Variants in COA7 observed in about 807,000 individuals in gnomAD.
COA7 encodes the protein cytochrome c oxidase assembly factor 7, also known as Sel1 repeat containing 1.
Under a neutral mutation model 21.0 loss-of-function variants are expected in COA7, and 12 were observed. The observed-to-expected ratio is 0.57, with a 90% CI of 0.37 to 0.92. The LOEUF (loss-of-function observed/expected upper bound fraction) is 0.92, where lower values mean the gene tolerates loss of function less well. Ranked by LOEUF, COA7 falls within the 40% of genes least tolerant of loss-of-function variation. The probability of loss-of-function intolerance (pLI) is 0.01; values close to 1 mark genes in which losing one functional copy is unlikely to be tolerated. For synonymous variants in COA7, 95 were observed against 107.4 expected, an observed-to-expected ratio of 0.88 and a Z score of 0.72; for missense variants, 240 against 286.1, an observed-to-expected ratio of 0.84 and a Z score of 1.16.
Position 52,698,317 on chromosome 1 carries a change from T to A in COA7, c.10A>T (p.Met4Leu), listed in dbSNP as rs371629063. ...TGCTCCTCATCCTGGAAGTCCACCATGCCGGCCATGGTTCGCGCCGGCCCA... is the reference window on the plus strand; with the variant it reads ...TGCTCCTCATCCTGGAAGTCCACCAAGCCGGCCATGGTTCGCGCCGGCCCA... The part of the protein sequence containing the change: MAG[M>L]VDFQDEEQVK... The change falls in exon 1 of 3, where the codon ATG becomes TTG. Residue 4 changes from methionine to leucine, a missense_variant. Met to Leu is a conservative substitution (Grantham distance 15). Transcript: ENST00000371538. 1 of 1,610,832 alleles carries A rather than the reference T, an allele frequency of 6.2e-7. No individual in the cohort carries two copies. The highest frequency in any genetic ancestry group is 8.5e-7 in the Non-Finnish European group (1 of 1,179,448).
At chr1:52,690,747 C>T (rs1030890583) in intron 2 of COA7, among the ~76,000 whole-genome samples, 2 of 151,910 alleles carry the variant, frequency 1.3e-5, no homozygotes, top group Non-Finnish European at 2.9e-5. Flanking sequence ...GAAGCAATCT[C>T]GGCTCACTGC....
At chr1:52,688,756 A>G (rs1216183985) in intron 2 of COA7, among the ~76,000 whole-genome samples, 1 of 152,186 alleles carries the variant, frequency 6.6e-6, no homozygotes, top group African/African-American at 2.4e-5. Context: ...CAGACCTCCT[A>G]GCTTTCTCAG....
chr1:52,690,408 G>A (rs1047891715), intron 2 of COA7, among the ~76,000 whole-genome samples: 1 of 151,484 alleles, frequency 6.6e-6, no homozygotes, highest in Admixed American at 6.6e-5. Context: ...CAGATTAAAT[G>A]CTGGCTGGTT....
rs1290063028 is a variant in COA7 at position 52,685,745 on chromosome 1, T to C, written c.*1975A>G. Reference sequence around the variant, plus strand: ...CACACCCAGATAATTTTTGTATTTTTAGTAGATACGAGGTTTCACTATGTT... The same window carrying C: ...CACACCCAGATAATTTTTGTATTTTCAGTAGATACGAGGTTTCACTATGTT... On this transcript the variant is annotated 3_prime_UTR_variant, in exon 3 of 3. Transcript: ENST00000371538. 6.6e-6 allele frequency: 1 copy of C among 152,206 alleles called. No homozygotes were observed. The highest frequency in any genetic ancestry group is 1.9e-4 in the East Asian group (1 of 5,196). 9.4% of individuals were successfully genotyped at this position (152,206 alleles called of 1,614,324 possible). A position where few individuals can be genotyped will look rare whatever the true frequency, so the allele number is the denominator to read the frequency against.
At chr1:52,688,206 C>T in intron 2 of COA7, 38 bp from the exon 3 acceptor site, 1 of 1,550,118 alleles carries the variant, frequency 6.5e-7, no homozygotes, top group Non-Finnish European at 8.7e-7. Flanking sequence ...AAACCCAAGC[C>T]AGGGCACAAC....
rs930222365 is a variant in COA7 at position 52,687,068 on chromosome 1, C to A, written c.*652G>T. The A allele has an allele frequency of 1.3e-5, 2 of 152,448 alleles. No individual in the cohort carries two copies. The highest frequency in any genetic ancestry group is 4.1e-4 in the South Asian group (2 of 4,838). 9.4% of individuals were successfully genotyped at this position (152,448 alleles called of 1,614,324 possible). On this transcript the variant is annotated 3_prime_UTR_variant, in exon 3 of 3. Coordinates refer to ENST00000371538, the MANE Select transcript of COA7 (RefSeq NM_023077.3). ...CTGATGTTTCATCTTCTTCAGCAAC[C>A]CTGAAGCATAACAGCCTTTAAGCTG...
chr1:52,692,737 C>T lies in COA7; in HGVS notation c.237G>A (p.Val79=), dbSNP rs771860425. Residue 79 remains valine, a synonymous_variant, in exon 2 of 3, where the codon GTG becomes GTA. Transcript: ENST00000371538. ...DSCYKLGAYY[V]TGKGGLTQDL... ...GCAGGCCCTCCTTACCTTTTCCAGT[C>T]ACATAGTAGGCCCCCAGTTTGTAGC... 2.5e-6 allele frequency: 4 copies of T among 1,614,168 alleles called. No homozygotes were observed. In the Admixed American group the frequency reaches 6.7e-5, roughly 27 times the overall value.
rs993323774 is a variant in COA7, at chr1:52,687,718, C to T, written c.*2G>A. 6.2e-7 allele frequency: 1 copy of T among 1,612,492 alleles called. No individual in the cohort carries two copies. Among genetic ancestry groups the T allele is most frequent in the Admixed American group, 1.7e-5 (1 of 59,946 alleles). ...GTTGCCTGGGAGGGAGGGTGGACCA[C>T]ATTACCCAAATGTTAAGGGTTGGAC... On this transcript the variant is annotated 3_prime_UTR_variant, in exon 3 of 3. Transcript: ENST00000371538.
intron 2 of COA7, 113 bp from the exon 3 acceptor site, chr1:52,688,281 T>A: frequency 1.2e-6 from 1 of 831,284 alleles, no homozygotes; most frequent in South Asian, 1.8e-5. Context: ...TCTTGCTTTG[T>A]TAACCAGGCT....
chr1:52,698,210 G>C lies in COA7; in HGVS notation c.106+11C>G. 5 of 1,597,778 alleles carry C rather than the reference G, an allele frequency of 3.1e-6. No individual in the cohort carries two copies. The highest frequency in any genetic ancestry group is 4.3e-6 in the Non-Finnish European group (5 of 1,168,390). On this transcript the variant is annotated intron_variant, in intron 1 of 2. Transcript: ENST00000371538. ...CCCGACGCGTCGCCGGGCTGCGCTG[G>C]AGCCGCTCACCGTCCGGGTCCTTCT...
At position 52,687,537 on chromosome 1, in the gene COA7, G is replaced by A. The variant is rs1644014326; in HGVS notation, c.*183C>T. 1 of 618,446 alleles carries A rather than the reference G, an allele frequency of 1.6e-6. No individual in the cohort carries two copies. Among genetic ancestry groups the A allele is most frequent in the East Asian group, 2.7e-5 (1 of 36,412 alleles). The allele number at this position is 618,446 out of a possible 1,614,324, so 38.3% of individuals were successfully genotyped here. On this transcript the variant is annotated 3_prime_UTR_variant, in exon 3 of 3. Coordinates refer to ENST00000371538, the MANE Select transcript of COA7 (RefSeq NM_023077.3). ...ACACCCAGATAAAGGAATATTGACT[G>A]AAATAAACATTGTAGGCTATACTCC...
Position 52,687,614 on chromosome 1 carries a change from A to G in COA7, c.*106T>C. ...AATGGAGCTACAAATTCAAGTCCCA[A>G]GTTTTTTTGCTCCAGCAGGTTGACC... On this transcript the variant is annotated 3_prime_UTR_variant, in exon 3 of 3. Transcript: ENST00000371538. 1 of 1,078,488 alleles carries G rather than the reference A, an allele frequency of 9.3e-7. No homozygotes were observed. The highest frequency in any genetic ancestry group is 1.6e-5 in the South Asian group (1 of 62,204). The allele number at this position is 1,078,488 out of a possible 1,614,324, so 66.8% of individuals were successfully genotyped here.
At chr1:52,696,106 C>T (rs1364534604) in intron 1 of COA7, among the ~76,000 whole-genome samples, 1 of 152,180 alleles carries the variant, frequency 6.6e-6, no homozygotes, top group African/African-American at 2.4e-5. Flanking sequence ...CCACCCTGTT[C>T]CTTAGTGACC....
At chr1:52,693,605 TAA>T (rs565539055) in intron 1 of COA7, among the ~76,000 whole-genome samples, 31 of 117,576 alleles carry the variant, frequency 2.6e-4, no homozygotes, top group Non-Finnish European at 3.1e-4. Context: ...GACTCTGTCT[TAA>T]AAAAAAAAAA....
chr1:52,696,733 G>A lies in COA7; in HGVS notation c.106+1488C>T, dbSNP rs565314895. Among the ~76,000 whole-genome samples the A allele has an allele frequency of 3.3e-5, 5 of 149,436 alleles. No individual in the cohort carries two copies. In the East Asian group the frequency reaches 1.0e-3, roughly 30 times the overall value. On this transcript the variant is annotated intron_variant, in intron 1 of 2. Coordinates refer to ENST00000371538, the MANE Select transcript of COA7 (RefSeq NM_023077.3). ...GCTGGTCTTGAACTCCTGGCCTCAA[G>A]TGATCCTCCCACCTCACCTCAGCCT... is the stretch of plus-strand genomic sequence containing the variant.
rs567252177 is a variant in COA7, at chr1:52,686,997, A to C, written c.*723T>G. On this transcript the variant is annotated 3_prime_UTR_variant, in exon 3 of 3. Coordinates refer to ENST00000371538, the MANE Select transcript of COA7 (RefSeq NM_023077.3). ...GGGCAGTGCCAGGCGACTACACTGG[A>C]GGTGCTAATTTTTAACTGCCAATGT... The C allele has an allele frequency of 1.3e-5, 2 of 152,196 alleles. No individual in the cohort carries two copies. The highest frequency in any genetic ancestry group is 1.3e-4 in the Admixed American group (2 of 15,266). The allele number at this position is 152,196 out of a possible 1,614,324, so 9.4% of individuals were successfully genotyped here.
intron 2 of COA7, among the ~76,000 whole-genome samples, chr1:52,688,667 C>G (rs1283599699): frequency 6.6e-6 from 1 of 152,010 alleles, no homozygotes; most frequent in Non-Finnish European, 1.5e-5. Flanking sequence ...GGTGACAGAG[C>G]AAGACTTTAC....
At chr1:52,696,128 A>T (rs893309138) in intron 1 of COA7, among the ~76,000 whole-genome samples, 1 of 152,026 alleles carries the variant, frequency 6.6e-6, no homozygotes, top group Non-Finnish European at 1.5e-5. Context: ...CAATTCCTCT[A>T]AGTTCTTTCT....
intron 1 of COA7, among the ~76,000 whole-genome samples, chr1:52,694,833 G>T (rs1384157520): frequency 3.3e-5 from 5 of 152,176 alleles, no homozygotes; most frequent in Non-Finnish European, 7.3e-5. Context: ...AGACCTGAAA[G>T]AATAAGTTTG....
Sources: gnomAD v4.1 joint callset for allele counts (sites outside exome capture counted in the v4.1 genomes callset) on GRCh38, gnomAD v4.1.1 for gene constraint, MANE v1.5 for transcripts, NCBI Gene and HGNC (gene_info 2026-07-23, HGNC 2026-07-21) for gene names.